Variants in PLEKHG4B observed in about 807,000 individuals in gnomAD.
PLEKHG4B encodes the protein pleckstrin homology domain-containing family G member 4B.
PLEKHG4B carries 111 observed loss-of-function variants against 121.3 expected under a neutral mutation model. That is an observed-to-expected ratio of 0.92 (90% CI 0.78 to 1.07). PLEKHG4B has a LOEUF of 1.07. Ranked by LOEUF, PLEKHG4B falls within the 50% of genes least tolerant of loss-of-function variation. The pLI is 0.00. For missense variants in PLEKHG4B, 1,831 were observed against 1,757.8 expected (o/e 1.04, Z -0.74); for synonymous variants, 738 against 725.0 (o/e 1.02, Z -0.29).
chr5:122,073 G>A (rs1224067480), intron 2 of PLEKHG4B, among the ~76,000 whole-genome samples: 2 of 152,106 alleles, frequency 1.3e-5, no homozygotes. Flanking sequence ...TTATTACATT[G>A]TTTCGAATTT....
chr5:173,133 T>A, intron 17 of PLEKHG4B, 66 bp downstream of exon 17: 1 of 1,517,518 alleles, frequency 6.6e-7, no homozygotes, highest in Non-Finnish European at 9.1e-7. Context: ...CTCGGACCCT[T>A]GTCTCACCTA....
At chr5:161,186 G>A (rs114689160) in intron 11 of PLEKHG4B, among the ~76,000 whole-genome samples, 2,276 of 152,302 alleles carry the variant, frequency 0.015, 63 homozygotes, top group African/African-American at 0.051. Context: ...TCACCAGGGC[G>A]CGTAGCCACA....
At chr5:102,261 C>G (rs188563100) in intron 1 of PLEKHG4B, among the ~76,000 whole-genome samples, 7 of 152,138 alleles carry the variant, frequency 4.6e-5, no homozygotes. Flanking sequence ...CTGACATATA[C>G]TAGAACTCAC....
intron 14 of PLEKHG4B, among the ~76,000 whole-genome samples, chr5:170,729 G>A (rs1280107363): frequency 2.0e-5 from 3 of 150,838 alleles, no homozygotes; most frequent in Admixed American, 6.6e-5. Flanking sequence ...TGCCCCCCAC[G>A]CCCTCCCAGG....
intron 1 of PLEKHG4B, among the ~76,000 whole-genome samples, chr5:110,475 A>G (rs1248037671): frequency 5.6e-5 from 8 of 143,564 alleles, no homozygotes; most frequent in Non-Finnish European, 1.0e-4. Context: ...ACATCCACAC[A>G]ATCTGCAACA....
rs573489665 is a variant in PLEKHG4B, at chr5:169,937, G to A, written c.3729+345G>A. 5.3e-5 allele frequency among the ~76,000 whole-genome samples: 8 copies of A among 152,240 alleles called. No individual in the cohort carries two copies. The South Asian group carries it at 6.2e-4, about 12-fold the overall frequency. ...GAAGCAGTTCCCAGAATCACCTTCC[G>A]GGGAGAGGCCAGGCCTCACCTCTTC... On this transcript the variant is annotated intron_variant, in intron 14 of 19. Transcript: ENST00000637938.
chr5:181,809 G>C (rs945407375), intron 19 of PLEKHG4B, 134 bp downstream of exon 19: 32 of 1,350,232 alleles, frequency 2.4e-5, no homozygotes, highest in Middle Eastern at 4.9e-4. Flanking sequence ...CAAGGACACG[G>C]GTACGGTGGC....
In PLEKHG4B at chr5:163,559, C is replaced by A; in HGVS notation, c.3476+11C>A. The A allele has an allele frequency of 2.6e-6, 4 of 1,559,276 alleles. No homozygotes were observed. Among genetic ancestry groups the A allele is most frequent in the Non-Finnish European group, 3.5e-6 (4 of 1,152,748 alleles). ...GCAGCAGGTGGGCAGGTGAGGTGGA[C>A]GTCCCCCTCCTCTCGTCCTAGCAGT... On this transcript the variant is annotated intron_variant, in intron 13 of 19. Transcript: ENST00000637938.
intron 2 of PLEKHG4B, among the ~76,000 whole-genome samples, chr5:114,273 A>G (rs935283957): frequency 4.6e-5 from 7 of 152,122 alleles, no homozygotes; most frequent in Admixed American, 2.6e-4. Flanking sequence ...CCTTTTATGA[A>G]CGATTACTCC....
At chr5:115,214 G>A (rs919005654) in intron 2 of PLEKHG4B, among the ~76,000 whole-genome samples, 6 of 152,172 alleles carry the variant, frequency 3.9e-5, no homozygotes, top group Non-Finnish European at 7.3e-5. Flanking sequence ...AGAGCTCTTG[G>A]GTGACCACAT....
rs1490843612 is a variant in PLEKHG4B, at chr5:157,503, T to A, written c.2487+592T>A. On this transcript the variant is annotated intron_variant, in intron 11 of 19. Coordinates refer to ENST00000637938, the MANE Select transcript of PLEKHG4B (RefSeq NM_052909.5). This position sits in a 1 kb window ranked among gnomAD's most constrained non-coding sequence, Gnocchi z 4.6. The stretch of plus-strand genomic sequence containing the variant: ...CTGCTGGACTACAGGGTGTGAGTTG[T>A]GCACAGTGTGTGGCGTGGCTGGGGT... Among the ~76,000 whole-genome samples, 2 of 152,168 alleles carry A rather than the reference T, an allele frequency of 1.3e-5. No homozygotes were observed. Among genetic ancestry groups the A allele is most frequent in the Admixed American group, 1.3e-4 (2 of 15,278 alleles).
At chr5:145,125 C>A (rs943453026) in intron 6 of PLEKHG4B, among the ~76,000 whole-genome samples, 1 of 152,216 alleles carries the variant, frequency 6.6e-6, no homozygotes. Flanking sequence ...GGCACAGACA[C>A]TGGGGAAGGT....
chr5:171,790 C>T (rs900387593), intron 16 of PLEKHG4B, among the ~76,000 whole-genome samples: 1 of 152,222 alleles, frequency 6.6e-6, no homozygotes, highest in Admixed American at 6.5e-5. Context: ...AACAGGTGGA[C>T]GTGAGCGCTG....
At chr5:125,001 C>T (rs150582540) in intron 2 of PLEKHG4B, among the ~76,000 whole-genome samples, 2,194 of 152,120 alleles carry the variant, frequency 0.014, 56 homozygotes, top group African/African-American at 0.05. Flanking sequence ...GGTGTGGAGG[C>T]GTGCGACTGT....
intron 2 of PLEKHG4B, among the ~76,000 whole-genome samples, chr5:125,417 T>A (rs1406301017): frequency 1.3e-5 from 2 of 152,198 alleles, no homozygotes; most frequent in Non-Finnish European, 2.9e-5. Context: ...ATAACACTAA[T>A]TTGAATTTAT....
rs187839111 is a variant in PLEKHG4B, at chr5:115,694, G to A, written c.243+2246G>A. On this transcript the variant is annotated intron_variant, in intron 2 of 19. Transcript: ENST00000637938. ...CTGCTGCTTCACCTTGCATTTTTAC[G>A]TTAAGGAGATGGCTTCTTTCCTTAA... Among the ~76,000 whole-genome samples the A allele has an allele frequency of 8.4e-4, 128 of 152,318 alleles. 2 individuals carry two copies. The South Asian group carries it at 0.011, about 13-fold the overall frequency.
chr5:171,551 G>A, intron 16 of PLEKHG4B, 107 bp downstream of exon 16: 1 of 1,147,002 alleles, frequency 8.7e-7, no homozygotes, highest in Non-Finnish European at 1.2e-6. Context: ...TGTGCTGGCA[G>A]ATTTGCCCCG....
At chr5:110,994 C>T (rs558204517) in intron 1 of PLEKHG4B, among the ~76,000 whole-genome samples, 3 of 152,264 alleles carry the variant, frequency 2.0e-5, no homozygotes, top group African/African-American at 4.8e-5. Flanking sequence ...CTGGACACAG[C>T]TGGCAGGGGT....
intron 13 of PLEKHG4B, among the ~76,000 whole-genome samples, chr5:164,446 GGGCGGGGCTCAC>G: frequency 2.4e-5 from 3 of 127,618 alleles, no homozygotes; most frequent in African/African-American, 1.2e-4. Flanking sequence ...CTGTGACAGG[GGGCGGGGCTCAC>G]AGTAATGTTG....
Sources: allele counts gnomAD v4.1 joint callset (sites outside exome capture counted in the v4.1 genomes callset), GRCh38; gene constraint gnomAD v4.1.1; non-coding constraint Gnocchi (gnomAD v3.1); transcripts MANE v1.5; gene names NCBI Gene and HGNC (gene_info 2026-07-23, HGNC 2026-07-21).